JAM3: variants seen among roughly 807,000 people sequenced by gnomAD.
JAM3 encodes the protein junctional adhesion molecule 3.
A neutral mutation model predicts 39.4 loss-of-function variants in JAM3; 31 were observed. The observed-to-expected ratio is 0.79, with a 90% confidence interval of 0.59 to 1.06. The LOEUF (loss-of-function observed/expected upper bound fraction) is 1.06. Among genes scored for constraint, JAM3 ranks in the 50% least tolerant of loss-of-function variants. The pLI is 0.00. For missense variants in JAM3, 455 were observed against 391.4 expected (o/e 1.16, Z -1.37); for synonymous variants, 182 against 148.7 (o/e 1.22, Z -1.63).
intron 1 of JAM3, among the ~76,000 whole-genome samples, chr11:134,069,859 C>T (rs916527154): frequency 6.6e-6 from 1 of 152,194 alleles, no homozygotes; most frequent in African/African-American, 2.4e-5. Flanking sequence ...TTTTCTTTTA[C>T]AGAAATAAAA....
chr11:134,106,318 C>G (rs1490038092), intron 1 of JAM3, among the ~76,000 whole-genome samples: 4 of 152,036 alleles, frequency 2.6e-5, no homozygotes, highest in East Asian at 3.9e-4. Context: ...AACTGGATCC[C>G]TTCCTTACAC....
chr11:134,085,759 C>T (rs991479540), intron 1 of JAM3, among the ~76,000 whole-genome samples: 3 of 152,098 alleles, frequency 2.0e-5, no homozygotes, highest in Non-Finnish European at 4.4e-5. Context: ...TTCTGTGTAG[C>T]GTAATATTTG....
intron 1 of JAM3, among the ~76,000 whole-genome samples, chr11:134,122,241 A>G (rs1211047922): frequency 2.6e-5 from 4 of 152,204 alleles, no homozygotes; most frequent in African/African-American, 9.6e-5. Context: ...GGCCTAGCTG[A>G]CGCTAACAAA....
chr11:134,134,258 A>G (rs1942819992), intron 1 of JAM3, among the ~76,000 whole-genome samples: 1 of 152,104 alleles, frequency 6.6e-6, no homozygotes, highest in African/African-American at 2.4e-5. Context: ...AGATTAACAT[A>G]CTTGTAAATG....
rs1565508577 is a variant in JAM3, at chr11:134,149,630, GCTT to G, written c.*453_*455del. The G allele has an allele frequency of 2.2e-6, 1 of 460,660 alleles. No homozygotes were observed. The highest frequency in any genetic ancestry group is 2.3e-5 in the Admixed American group (1 of 42,678). The allele number at this position is 460,660 out of a possible 1,614,324, so 28.5% of individuals were successfully genotyped here. ...GCATCCCGGCGGGAACCCAGAAAAG[GCTT>G]CTTACACAGCAGCCTTACTTCATCG... is the stretch of plus-strand genomic sequence containing the variant. On this transcript the variant is annotated 3_prime_UTR_variant, in exon 9 of 9. Transcript: ENST00000299106.
chr11:134,077,933 T>C (rs1591768419), intron 1 of JAM3, among the ~76,000 whole-genome samples: 1 of 151,944 alleles, frequency 6.6e-6, no homozygotes, highest in African/African-American at 2.4e-5. Context: ...ATTACAGGCG[T>C]GAGGCACCGC....
intron 1 of JAM3, among the ~76,000 whole-genome samples, chr11:134,110,794 C>T (rs1392240100): frequency 2.0e-5 from 3 of 152,054 alleles, no homozygotes; most frequent in Non-Finnish European, 4.4e-5. Context: ...TACGTATATG[C>T]TAAATTTTAT....
chr11:134,141,477 G>A (rs1942971721), intron 3 of JAM3, among the ~76,000 whole-genome samples: 1 of 152,060 alleles, frequency 6.6e-6, no homozygotes, highest in Non-Finnish European at 1.5e-5. Flanking sequence ...GGGCTGGAGA[G>A]GTTGCCTGGC....
chr11:134,149,254 C>T lies in JAM3; in HGVS notation c.*73C>T, dbSNP rs374073571. The T allele has an allele frequency of 4.0e-5, 63 of 1,581,250 alleles. No homozygotes were observed. The East Asian group carries it at 6.9e-4, about 17-fold the overall frequency. ...CTGCTAGAAACTCCTGTCAAGGCAG[C>T]GAGAGCTGATGCACTCGGACAGAGC... is the stretch of plus-strand genomic sequence containing the variant. On this transcript the variant is annotated 3_prime_UTR_variant, in exon 9 of 9. Coordinates refer to ENST00000299106, the MANE Select transcript of JAM3 (RefSeq NM_032801.5).
chr11:134,094,493 A>T (rs1211154442), intron 1 of JAM3, among the ~76,000 whole-genome samples: 1 of 80,544 alleles, frequency 1.2e-5, no homozygotes, highest in East Asian at 3.6e-4. Context: ...CCTGAGGGAA[A>T]CTTCTCCTGA....
At chr11:134,101,327 A>T (rs183114218) in intron 1 of JAM3, among the ~76,000 whole-genome samples, 4 of 152,364 alleles carry the variant, frequency 2.6e-5, no homozygotes, top group African/African-American at 7.2e-5. Context: ...GGAAACACTG[A>T]ATCTTTTCAA....
chr11:134,077,824 G>T (rs1941598075), intron 1 of JAM3, among the ~76,000 whole-genome samples: 1 of 151,546 alleles, frequency 6.6e-6, no homozygotes, highest in Non-Finnish European at 1.5e-5. Context: ...GCTAATTTTT[G>T]TATTTTTAGT....
intron 1 of JAM3, among the ~76,000 whole-genome samples, chr11:134,121,691 A>C (rs1233614762): frequency 6.6e-6 from 1 of 152,182 alleles, no homozygotes. Context: ...ATTAGTCTTT[A>C]ATTTAAAAGA....
intron 1 of JAM3, among the ~76,000 whole-genome samples, chr11:134,125,486 TTTC>T (rs374039491): frequency 1.1e-3 from 161 of 152,352 alleles, no homozygotes; most frequent in Middle Eastern, 6.8e-3. Context: ...TAATATTGTA[TTTC>T]TTCTTATAAG....
chr11:134,091,007 C>T (rs1050822686), intron 1 of JAM3, among the ~76,000 whole-genome samples: 5 of 152,254 alleles, frequency 3.3e-5, no homozygotes, highest in African/African-American at 1.2e-4. Context: ...CTACCTTAAG[C>T]TAATGTATTG....
At chr11:134,121,821 G>GTGCGCACACACA (rs1555117432) in intron 1 of JAM3, among the ~76,000 whole-genome samples, 1 of 148,422 alleles carries the variant, frequency 6.7e-6, no homozygotes, top group African/African-American at 2.5e-5. Context: ...GCATGTGTGC[G>GTGCGCACACACA]CACACACACA....
intron 1 of JAM3, among the ~76,000 whole-genome samples, chr11:134,129,341 C>T (rs1031924964): frequency 1.3e-5 from 2 of 152,098 alleles, no homozygotes; most frequent in Non-Finnish European, 2.9e-5. Context: ...TGGTCTCAAT[C>T]TCCTGACCTT....
intron 1 of JAM3, chr11:134,070,426 A>C (rs1026418229): frequency 8.4e-6 from 3 of 355,344 alleles, no homozygotes; most frequent in African/African-American, 6.4e-5. Context: ...AAAACAAAGC[A>C]TTCCTGTGTT....
chr11:134,139,253 T>G (rs1401374147), intron 1 of JAM3, among the ~76,000 whole-genome samples: 1 of 152,232 alleles, frequency 6.6e-6, no homozygotes, highest in Non-Finnish European at 1.5e-5. Context: ...TAAACTCAGC[T>G]TCGTGAAAAT....
Sources: allele counts gnomAD v4.1 joint callset (sites outside exome capture counted in the v4.1 genomes callset), GRCh38; gene constraint gnomAD v4.1.1; transcripts MANE v1.5; gene names NCBI Gene and HGNC (gene_info 2026-07-23, HGNC 2026-07-21).